The following WDR35 variants were observed in gnomAD, a reference collection of about 807,000 sequenced individuals.
WDR35 encodes the protein WD repeat-containing protein 35.
Under a neutral mutation model 158.3 loss-of-function variants are expected in WDR35, and 118 were observed. The ratio of observed to expected loss-of-function variants is 0.75; its 90% CI spans 0.64 to 0.87. WDR35 has a LOEUF of 0.87. WDR35 is among the 40% of genes least tolerant of loss of function. The pLI is 0.00. For synonymous variants in WDR35, 448 were observed against 476.1 expected (o/e 0.94, Z 0.77); for missense variants, 1,263 against 1,405.8 (o/e 0.90, Z 1.62).
At chr2:19,923,368 C>A (rs769590314) in intron 25 of WDR35, among the ~76,000 whole-genome samples, 1 of 152,098 alleles carries the variant, frequency 6.6e-6, no homozygotes, top group Admixed American at 6.5e-5. Flanking sequence ...AAGCAATCCC[C>A]GTAGTGAGTA....
At chr2:19,979,929 C>T (rs1366492468) in intron 4 of WDR35, among the ~76,000 whole-genome samples, 1 of 152,110 alleles carries the variant, frequency 6.6e-6, no homozygotes, top group Admixed American at 6.6e-5. Flanking sequence ...AGGCACCCTT[C>T]CCTTTTGAAG....
At chr2:19,969,389 TA>T in intron 9 of WDR35, 90 bp downstream of exon 9, 1 of 1,420,942 alleles carries the variant, frequency 7.0e-7, no homozygotes. Context: ...TGCTAGCTCC[TA>T]AAACAAGACA....
At position 19,912,668 on chromosome 2, in the gene WDR35, C is replaced by T. The variant is rs776139082; in HGVS notation, c.*890G>A. 5.3e-5 allele frequency: 8 copies of T among 152,104 alleles called. No individual in the cohort carries two copies. Among genetic ancestry groups the T allele is most frequent in the Non-Finnish European group, 1.2e-4 (8 of 68,002 alleles). The allele number at this position is 152,104 out of a possible 1,614,324, so 9.4% of individuals were successfully genotyped here. The stretch of plus-strand genomic sequence containing the variant: ...AAAATGGGAATTCATGAGAAATAAA[C>T]AGAGAACATTATTAGCTATGTAAAA... On this transcript the variant is annotated 3_prime_UTR_variant, in exon 27 of 27. Transcript: ENST00000281405.
intron 25 of WDR35, among the ~76,000 whole-genome samples, chr2:19,917,091 C>A (rs1670013445): frequency 6.6e-6 from 1 of 152,160 alleles, no homozygotes; most frequent in South Asian, 2.1e-4. Context: ...CTGGTGATAC[C>A]CAGGCAAACG....
intron 10 of WDR35, among the ~76,000 whole-genome samples, chr2:19,965,876 C>T (rs1288749773): frequency 6.6e-6 from 1 of 152,146 alleles, no homozygotes. Flanking sequence ...AAGTCCTGTG[C>T]CTCTTTGGGA....
chr2:19,913,593 T>G lies in WDR35; in HGVS notation c.3478A>C (p.Ser1160Arg), dbSNP rs773271634. 20 of 1,613,998 alleles carry G rather than the reference T, an allele frequency of 1.2e-5. No individual in the cohort carries two copies. In the South Asian group the frequency reaches 1.6e-4, roughly 13 times the overall value. ...GGACTATGGCATAAGGGGCAGAAGC[T>G]GTAGTGGCTTATTTCCTGAGCAAGG... ...GVLAQEISHY[S>R]FCPLCHSPVG The change falls in exon 27 of 27, where the codon AGC becomes CGC. Residue 1160 changes from serine (S) to arginine (R), a missense_variant. Physicochemically the swap from Ser to Arg is moderately radical, Grantham distance 110. Coordinates refer to ENST00000281405, the MANE Select transcript of WDR35 (RefSeq NM_020779.4).
intron 25 of WDR35, among the ~76,000 whole-genome samples, chr2:19,923,952 T>C (rs1572314437): frequency 1.3e-5 from 2 of 152,220 alleles, no homozygotes; most frequent in Admixed American, 1.3e-4. Context: ...TTACTCAGGC[T>C]TGTCTAACTC....
chr2:19,919,574 C>T (rs1409561270), intron 25 of WDR35, among the ~76,000 whole-genome samples: 1 of 152,124 alleles, frequency 6.6e-6, no homozygotes, highest in African/African-American at 2.4e-5. Flanking sequence ...TTCTGGAATG[C>T]ATTTAAAGCA....
At position 19,936,396 on chromosome 2, in the gene WDR35, A is replaced by C. The variant is rs745903584; in HGVS notation, c.2268-31T>G. The C allele has an allele frequency of 1.9e-5, 30 of 1,613,500 alleles. 1 individual carries two copies. The highest frequency in any genetic ancestry group is 1.6e-4 in the Middle Eastern group (1 of 6,082). ...AACAAAGGCATTCATTCATTCATTC[A>C]TCTATTTGACAAATATTTACCAAGA... is the stretch of plus-strand genomic sequence containing the variant. On this transcript the variant is annotated intron_variant, in intron 19 of 26. Coordinates refer to ENST00000281405, the MANE Select transcript of WDR35 (RefSeq NM_020779.4).
chr2:19,920,222 T>A (rs13030490), intron 25 of WDR35, among the ~76,000 whole-genome samples: 38,539 of 152,128 alleles, frequency 0.25, 4,947 homozygotes, highest in Non-Finnish European at 0.25. Flanking sequence ...CCTCCCTAAC[T>A]CATTTTATGA....
At chr2:19,964,509 G>A (rs914386246) in intron 10 of WDR35, among the ~76,000 whole-genome samples, 16 of 150,770 alleles carry the variant, frequency 1.1e-4, no homozygotes, top group African/African-American at 3.9e-4. Context: ...TCAGCCTCCT[G>A]AGTAGCTGGG....
At position 19,910,658 on chromosome 2, in the gene WDR35, C is replaced by T. The variant is rs971618211; in HGVS notation, c.*2900G>A. 9 of 152,208 alleles carry T rather than the reference C, an allele frequency of 5.9e-5. No homozygotes were observed. The highest frequency in any genetic ancestry group is 1.9e-4 in the African/African-American group (8 of 41,456). 9.4% of individuals were successfully genotyped at this position (152,208 alleles called of 1,614,324 possible). A position where few individuals can be genotyped will look rare whatever the true frequency, so the allele number is the denominator to read the frequency against. ...ATACTACCTAATTCTGTTTATGCAA[C>T]TTCTCACCAGGTAATTGTTTTTTAT... On this transcript the variant is annotated 3_prime_UTR_variant, in exon 27 of 27. Coordinates refer to ENST00000281405, the MANE Select transcript of WDR35 (RefSeq NM_020779.4).
rs1434491916 is a variant in WDR35, at chr2:19,982,542, A to G, written c.143-8T>C. 6 of 1,613,078 alleles carry G rather than the reference A, an allele frequency of 3.7e-6. No individual in the cohort carries two copies. Among genetic ancestry groups the G allele is most frequent in the Non-Finnish European group, 5.1e-6 (6 of 1,179,580 alleles). On this transcript the variant is annotated splice_region_variant and splice_polypyrimidine_tract_variant and intron_variant, in intron 2 of 26. Coordinates refer to ENST00000281405, the MANE Select transcript of WDR35 (RefSeq NM_020779.4). ...CCCTCAATTTTGCATCATCTAAAAC[A>G]AAACAAAACAAACTACTATGATAAA...
chr2:19,947,032 CTAGTTTT>C (rs1284398112), intron 14 of WDR35, among the ~76,000 whole-genome samples: 1 of 152,116 alleles, frequency 6.6e-6, no homozygotes, highest in Non-Finnish European at 1.5e-5. Flanking sequence ...CTATCTGATA[CTAGTTTT>C]TAGCAAAAGG....
Position 19,953,903 on chromosome 2 carries a change from C to T in WDR35, c.1331G>A (p.Arg444His), listed in dbSNP as rs200385344. Residue 444 changes from arginine (R) to histidine (H), a missense_variant, in exon 12 of 27, where the codon CGT becomes CAT. Physicochemically the swap from Arg to His is conservative, Grantham distance 29. Transcript: ENST00000281405. ...CAATGCTGTGAGCTTCTTTGCCACACGATATTGCCAGGTATAAAATGCTTC... is the reference window on the plus strand; with the variant it reads ...CAATGCTGTGAGCTTCTTTGCCACATGATATTGCCAGGTATAAAATGCTTC... ...SKEAFYTWQY[R>H]VAKKLTALEI... 6.2e-6 allele frequency: 10 copies of T among 1,614,058 alleles called. No individual in the cohort carries two copies. Among genetic ancestry groups the T allele is most frequent in the Middle Eastern group, 1.6e-4 (1 of 6,062 alleles).
At chr2:19,981,991 A>G (rs1436047247) in intron 3 of WDR35, among the ~76,000 whole-genome samples, 1 of 152,218 alleles carries the variant, frequency 6.6e-6, no homozygotes, top group African/African-American at 2.4e-5. Context: ...TGTATTACTT[A>G]TGTCTCAACA....
chr2:19,941,825 G>A lies in WDR35; in HGVS notation c.1860C>T (p.Thr620=), dbSNP rs1572333836. Reference sequence around the variant, plus strand: ...CCTCAAAATTACAAATATATCCAGAGGTCTGAATGGGTTCCTTTAAAGACA... The same window carrying A: ...CCTCAAAATTACAAATATATCCAGAAGTCTGAATGGGTTCCTTTAAAGACA... ...RNLDPEEPIQ[T]SGYICNFEDL... The change falls in exon 17 of 27, where the codon ACC becomes ACT. Residue 620 remains threonine, a synonymous_variant. Transcript: ENST00000281405. 1 of 1,571,860 alleles carries A rather than the reference G, an allele frequency of 6.4e-7. No homozygotes were observed. Among genetic ancestry groups the A allele is most frequent in the Non-Finnish European group, 8.7e-7 (1 of 1,151,074 alleles).
intron 25 of WDR35, among the ~76,000 whole-genome samples, chr2:19,917,575 A>G (rs1019176067): frequency 6.6e-6 from 1 of 152,258 alleles, no homozygotes; most frequent in African/African-American, 2.4e-5. Context: ...TGAAAAACAC[A>G]GCACAAGAAC....
intron 24 of WDR35, among the ~76,000 whole-genome samples, 159 bp from the exon 25 acceptor site, chr2:19,930,711 G>A (rs995472281): frequency 6.6e-5 from 10 of 151,774 alleles, no homozygotes; most frequent in African/African-American, 2.4e-4. Flanking sequence ...GTATTACTCT[G>A]TCACCCAAGC....
Sources: allele counts gnomAD v4.1 joint callset (sites outside exome capture counted in the v4.1 genomes callset), GRCh38; gene constraint gnomAD v4.1.1; transcripts MANE v1.5; gene names NCBI Gene and HGNC (gene_info 2026-07-23, HGNC 2026-07-21).